TMEM132D: variants seen among roughly 807,000 people sequenced by gnomAD.
TMEM132D encodes the protein transmembrane protein 132D.
In TMEM132D, 21 loss-of-function variants were observed where a neutral mutation model predicts 62.3. That is an observed-to-expected ratio of 0.34 (90% CI 0.24 to 0.49). The LOEUF (loss-of-function observed/expected upper bound fraction) is 0.49. Ranked by LOEUF, TMEM132D falls within the 20% of genes least tolerant of loss-of-function variation. TMEM132D has a pLI of 0.99. For synonymous variants in TMEM132D, 621 were observed against 575.6 expected (o/e 1.08, Z -1.13); for missense variants, 1,346 against 1,402.8 (o/e 0.96, Z 0.65).
intron 1 of TMEM132D, among the ~76,000 whole-genome samples, chr12:129,886,719 C>A (rs1375327835): frequency 2.6e-5 from 4 of 152,124 alleles, no homozygotes; most frequent in Admixed American, 2.6e-4. Flanking sequence ...GGCTGTGTCC[C>A]CACCCACATC....
chr12:129,466,119 T>C (rs772791478), intron 3 of TMEM132D, among the ~76,000 whole-genome samples: 1 of 149,612 alleles, frequency 6.7e-6, no homozygotes, highest in South Asian at 2.2e-4. Flanking sequence ...GTCATCACTA[T>C]AGATTTATTA....
chr12:129,246,504 C>T (rs1413534755), intron 4 of TMEM132D, among the ~76,000 whole-genome samples: 2 of 152,100 alleles, frequency 1.3e-5, no homozygotes, highest in Non-Finnish European at 2.9e-5. Context: ...ACCTGTAATC[C>T]CAACACTTTG....
chr12:129,792,131 G>C (rs78596530), intron 1 of TMEM132D, among the ~76,000 whole-genome samples: 1 of 152,144 alleles, frequency 6.6e-6, no homozygotes, highest in African/African-American at 2.4e-5. Flanking sequence ...GACTGATTCC[G>C]GGAGGGACTG....
chr12:129,723,954 C>A (rs539870286), intron 1 of TMEM132D, among the ~76,000 whole-genome samples: 1 of 152,304 alleles, frequency 6.6e-6, no homozygotes, highest in African/African-American at 2.4e-5. Context: ...GTGACTATGT[C>A]ACTTACCCCT....
chr12:129,872,477 ACAAAGGCTTTT>A (rs1386115770), intron 1 of TMEM132D, among the ~76,000 whole-genome samples: 1 of 152,194 alleles, frequency 6.6e-6, no homozygotes, highest in Non-Finnish European at 1.5e-5. Context: ...TTCACTGTTC[ACAAAGGCTTTT>A]CAACTGACTG....
At chr12:129,267,220 A>G (rs895379066) in intron 4 of TMEM132D, among the ~76,000 whole-genome samples, 1 of 152,136 alleles carries the variant, frequency 6.6e-6, no homozygotes. Context: ...AGGGTATTCA[A>G]TTAGGAAAAG....
intron 4 of TMEM132D, among the ~76,000 whole-genome samples, chr12:129,224,741 A>T (rs138807249): frequency 6.6e-6 from 1 of 152,128 alleles, no homozygotes; most frequent in African/African-American, 2.4e-5. Context: ...CCCCATCTCT[A>T]TTAAAAATAC....
intron 1 of TMEM132D, among the ~76,000 whole-genome samples, chr12:129,769,505 A>C (rs1870659156): frequency 6.6e-6 from 1 of 152,174 alleles, no homozygotes; most frequent in Non-Finnish European, 1.5e-5. Context: ...ATTCAAGATA[A>C]GACTTGGGTG....
At chr12:129,106,422 T>G (rs1018229684) in intron 5 of TMEM132D, among the ~76,000 whole-genome samples, 1 of 150,160 alleles carries the variant, frequency 6.7e-6, no homozygotes, top group African/African-American at 2.5e-5. Context: ...ATAATAATAA[T>G]AAAATAAAAA....
rs1024114862 is a variant in TMEM132D, at chr12:129,156,200, C to T, written c.1443+53320G>A. ...TCCCAAGATAACCAACCCACTCTCA[C>T]GATAACTAACTCATCCCCAAGATAA... On this transcript the variant is annotated intron_variant, in intron 5 of 8. Transcript: ENST00000422113. Among the ~76,000 whole-genome samples, 17 of 150,948 alleles carry T rather than the reference C, an allele frequency of 1.1e-4. No individual in the cohort carries two copies. The East Asian group carries it at 1.8e-3, about 16-fold the overall frequency.
At chr12:129,670,458 T>A (rs1271553182) in intron 2 of TMEM132D, among the ~76,000 whole-genome samples, 1 of 151,938 alleles carries the variant, frequency 6.6e-6, no homozygotes, top group East Asian at 1.9e-4. Flanking sequence ...ACCACCCAGA[T>A]GCATAAACTG....
chr12:129,513,840 AT>A (rs1486518528), intron 3 of TMEM132D, among the ~76,000 whole-genome samples: 12 of 113,134 alleles, frequency 1.1e-4, no homozygotes, highest in African/African-American at 4.3e-4. Context: ...TTATTTATTT[AT>A]TTATTTATTT....
At chr12:129,140,409 G>T (rs1411968349) in intron 5 of TMEM132D, among the ~76,000 whole-genome samples, 1 of 152,088 alleles carries the variant, frequency 6.6e-6, no homozygotes. Context: ...TCTGAGCTTG[G>T]TCCCCTCCCC....
chr12:129,845,597 T>C (rs2137348196), intron 1 of TMEM132D, among the ~76,000 whole-genome samples: 1 of 152,294 alleles, frequency 6.6e-6, no homozygotes, highest in African/African-American at 2.4e-5. Context: ...TGTCTCAAAA[T>C]TTCATTACAA....
intron 5 of TMEM132D, among the ~76,000 whole-genome samples, chr12:129,120,912 A>G (rs187055867): frequency 6.6e-5 from 10 of 152,124 alleles, no homozygotes; most frequent in Non-Finnish European, 1.2e-4. Context: ...AGAGTAAAAT[A>G]AAAATGCTGA....
chr12:129,528,067 T>G (rs1055469265), intron 3 of TMEM132D, among the ~76,000 whole-genome samples: 2 of 152,228 alleles, frequency 1.3e-5, no homozygotes, highest in Non-Finnish European at 2.9e-5. Context: ...TAATTAACAC[T>G]GCTTCTTTTG....
intron 5 of TMEM132D, among the ~76,000 whole-genome samples, chr12:129,091,323 C>A (rs554186032): frequency 1.3e-5 from 2 of 151,988 alleles, no homozygotes; most frequent in South Asian, 4.2e-4. Context: ...CTCACAAGGG[C>A]TCTGAGGACC....
intron 1 of TMEM132D, among the ~76,000 whole-genome samples, chr12:129,842,097 ATTT>A (rs746315309): frequency 7.2e-5 from 7 of 97,436 alleles, no homozygotes; most frequent in African/African-American, 1.7e-4. Flanking sequence ...CGCCCGGCTA[ATTT>A]TTTTTTTTTT....
At chr12:129,392,683 G>T (rs1871319131) in intron 3 of TMEM132D, among the ~76,000 whole-genome samples, 1 of 152,120 alleles carries the variant, frequency 6.6e-6, no homozygotes, top group African/African-American at 2.4e-5. Context: ...CCCAGGCCAG[G>T]GCCCACCACC....
Sources: allele counts gnomAD v4.1 joint callset (sites outside exome capture counted in the v4.1 genomes callset), GRCh38; gene constraint gnomAD v4.1.1; transcripts MANE v1.5; gene names NCBI Gene and HGNC (gene_info 2026-07-23, HGNC 2026-07-21).